The following PRKN variants were observed in gnomAD, a reference collection of about 807,000 sequenced individuals.
PRKN encodes the protein parkin RBR E3 ubiquitin protein ligase.
A neutral mutation model predicts 59.5 loss-of-function variants in PRKN; 56 were observed. The ratio of observed to expected loss-of-function variants is 0.94; its 90% CI spans 0.76 to 1.18. The LOEUF is 1.18. PRKN is among the 50% of genes most tolerant of loss of function. PRKN has a pLI of 0.00. For missense variants in PRKN, 657 were observed against 596.4 expected (o/e 1.10, Z -1.06); for synonymous variants, 250 against 222.1 (o/e 1.13, Z -1.12).
chr6:161,900,843 TATA>T (rs1331484817), intron 6 of PRKN, among the ~76,000 whole-genome samples: 191 of 142,268 alleles, frequency 1.3e-3, no homozygotes, highest in African/African-American at 4.8e-3. Context: ...GTATATTATA[TATA>T]ATTACATATA....
rs141078777 is a variant in PRKN at position 161,721,631 on chromosome 6, G to A, written c.871+64141C>T. On this transcript the variant is annotated intron_variant, in intron 7 of 11. Coordinates refer to ENST00000366898, the MANE Select transcript of PRKN (RefSeq NM_004562.3). ...GAAAACATAAATGGATTTTATGGAC[G>A]CACCTGTTCAGGGCCCTCTTTGGTG... Among the ~76,000 whole-genome samples, 195 of 152,296 alleles carry A rather than the reference G, an allele frequency of 1.3e-3. 1 individual carries two copies. The South Asian group carries it at 0.019, about 15-fold the overall frequency.
chr6:161,638,389 C>A (rs915218131), intron 7 of PRKN, among the ~76,000 whole-genome samples: 3 of 152,124 alleles, frequency 2.0e-5, no homozygotes, highest in Admixed American at 6.5e-5. Context: ...CCTGCCTCGG[C>A]GTCCCAAAGT....
At chr6:161,532,864 T>C (rs973619350) in intron 9 of PRKN, among the ~76,000 whole-genome samples, 1 of 152,192 alleles carries the variant, frequency 6.6e-6, no homozygotes, top group Non-Finnish European at 1.5e-5. Context: ...AGAAAGCCTC[T>C]TATAAATCTA....
chr6:161,853,038 A>G (rs1292827068), intron 6 of PRKN, among the ~76,000 whole-genome samples: 1 of 152,192 alleles, frequency 6.6e-6, no homozygotes, highest in Non-Finnish European at 1.5e-5. Flanking sequence ...ATTTTCCTAA[A>G]ACAATATATA....
At chr6:161,830,322 G>A (rs1278413377) in intron 6 of PRKN, among the ~76,000 whole-genome samples, 3 of 151,706 alleles carry the variant, frequency 2.0e-5, no homozygotes, top group African/African-American at 7.3e-5. Flanking sequence ...CGCGATCTTG[G>A]CTCACTGCAA....
At chr6:162,332,155 G>A (rs937604176) in intron 2 of PRKN, among the ~76,000 whole-genome samples, 5 of 152,060 alleles carry the variant, frequency 3.3e-5, no homozygotes, top group Admixed American at 2.6e-4. Flanking sequence ...ATTACAAAAC[G>A]AAGTCATTTC....
intron 7 of PRKN, among the ~76,000 whole-genome samples, chr6:161,591,955 A>G (rs1781741349): frequency 1.3e-5 from 2 of 152,232 alleles, no homozygotes; most frequent in Non-Finnish European, 2.9e-5. Flanking sequence ...TATTGATTCC[A>G]CTACTCCTTT....
rs981910133 is a variant in PRKN, at chr6:161,560,292, T to A, written c.933+9063A>T. On this transcript the variant is annotated intron_variant, in intron 8 of 11. Transcript: ENST00000366898. This position sits in a 1 kb window ranked among gnomAD's most constrained non-coding sequence, Gnocchi z 4.9. ...CCATCTCCCTTGCAACCTTTTCAAG[T>A]GAAGGCTGCTTTTCATTTCATATTC... 1.2e-4 allele frequency among the ~76,000 whole-genome samples: 18 copies of A among 152,184 alleles called. No individual in the cohort carries two copies. The highest frequency in any genetic ancestry group is 3.9e-4 in the African/African-American group (16 of 41,438).
chr6:161,888,152 T>C (rs1795221032), intron 6 of PRKN, among the ~76,000 whole-genome samples: 1 of 152,180 alleles, frequency 6.6e-6, no homozygotes, highest in South Asian at 2.1e-4. Flanking sequence ...ATTTGCCTAA[T>C]TATCAGATGT....
chr6:162,048,078 GA>G (rs571583750), intron 5 of PRKN, among the ~76,000 whole-genome samples: 9 of 151,246 alleles, frequency 6.0e-5, no homozygotes, highest in Non-Finnish European at 7.4e-5. Context: ...GTTCTGATAA[GA>G]AAAAAAATGT....
At chr6:162,515,697 G>T (rs183927249) in intron 1 of PRKN, among the ~76,000 whole-genome samples, 8 of 151,678 alleles carry the variant, frequency 5.3e-5, no homozygotes, top group Admixed American at 2.6e-4. Flanking sequence ...TTTTTTACTT[G>T]AATCAGCTTT....
chr6:162,690,215 A>T (rs1473805168), intron 1 of PRKN, among the ~76,000 whole-genome samples: 1 of 152,056 alleles, frequency 6.6e-6, no homozygotes, highest in Non-Finnish European at 1.5e-5. Flanking sequence ...TTTACTGAGC[A>T]CTTACTAGGT....
rs578260661 is a variant in PRKN, at chr6:162,137,955, C to T, written c.534+63176G>A. ...CTGAGGTAATGCGGGACTGTGATCC[C>T]GACGTGAAGGAAACCTACAAAGATT... On this transcript the variant is annotated intron_variant, in intron 4 of 11. Transcript: ENST00000366898. 3.6e-4 allele frequency among the ~76,000 whole-genome samples: 55 copies of T among 151,558 alleles called. 1 individual carries two copies. Among genetic ancestry groups the T allele is most frequent in the Non-Finnish European group, 5.6e-4 (38 of 67,960 alleles).
intron 7 of PRKN, among the ~76,000 whole-genome samples, chr6:161,669,375 C>T (rs1241185372): frequency 2.0e-5 from 3 of 152,204 alleles, no homozygotes; most frequent in Non-Finnish European, 4.4e-5. Flanking sequence ...TCCTCCCCAT[C>T]CAATTTGCAC....
intron 4 of PRKN, among the ~76,000 whole-genome samples, chr6:162,120,254 T>A (rs1780852025): frequency 6.6e-6 from 1 of 152,244 alleles, no homozygotes; most frequent in Non-Finnish European, 1.5e-5. Flanking sequence ...TTCTCCTGCT[T>A]CATCCTCCCA....
intron 2 of PRKN, among the ~76,000 whole-genome samples, chr6:162,403,514 C>T (rs997994796): frequency 6.6e-6 from 1 of 152,148 alleles, no homozygotes; most frequent in Admixed American, 6.5e-5. Context: ...TTTATCTTGT[C>T]TGTCGTCAGC....
intron 5 of PRKN, among the ~76,000 whole-genome samples, chr6:162,023,281 G>A (rs1783282526): frequency 6.6e-6 from 1 of 152,130 alleles, no homozygotes; most frequent in Non-Finnish European, 1.5e-5. Context: ...CAATTAGAGC[G>A]TCTACCTTGT....
At position 162,653,328 on chromosome 6, in the gene PRKN, G is replaced by GTC. The variant is rs199786868; in HGVS notation, c.7+74333_7+74334insGA. Among the ~76,000 whole-genome samples the GTC allele has an allele frequency of 3.5e-3, 536 of 151,832 alleles. 3 individuals are homozygous for GTC. Among genetic ancestry groups the GTC allele is most frequent in the African/African-American group, 0.013 (526 of 41,372 alleles). On this transcript the variant is annotated intron_variant, in intron 1 of 11. Coordinates refer to ENST00000366898, the MANE Select transcript of PRKN (RefSeq NM_004562.3). ...AATGGGAGTTTGTGTTTGTGTGTGT[G>GTC]TGTGTTTGTGTGCGTGTCTGTGTGT...
chr6:161,642,162 A>G (rs1783768208), intron 7 of PRKN, among the ~76,000 whole-genome samples: 1 of 152,210 alleles, frequency 6.6e-6, no homozygotes, highest in African/African-American at 2.4e-5. Context: ...TGATTTGAAA[A>G]TCTACCTAGA....
Sources: allele counts gnomAD v4.1 joint callset (sites outside exome capture counted in the v4.1 genomes callset), GRCh38; gene constraint gnomAD v4.1.1; non-coding constraint Gnocchi (gnomAD v3.1); transcripts MANE v1.5; gene names NCBI Gene and HGNC (gene_info 2026-07-23, HGNC 2026-07-21).